Variants in SPHKAP observed in about 807,000 individuals in gnomAD.
The protein encoded by SPHKAP is SPHK1 interactor, AKAP domain containing.
SPHKAP carries 67 observed loss-of-function variants against 137.5 expected under a neutral mutation model. The ratio of observed to expected loss-of-function variants is 0.49; its 90% CI spans 0.40 to 0.60. The LOEUF (loss-of-function observed/expected upper bound fraction) is 0.60. Among genes scored for constraint, SPHKAP ranks in the 20% least tolerant of loss-of-function variants. The pLI, the probability that SPHKAP is intolerant of heterozygous loss-of-function variation, is 0.00. For synonymous variants in SPHKAP, 813 were observed against 785.3 expected, an observed-to-expected ratio of 1.04 and a Z score of -0.59; for missense variants, 2,097 against 2,069.3, an observed-to-expected ratio of 1.01 and a Z score of -0.26.
chr2:227,987,715 G>A (rs182374888), intron 11 of SPHKAP, among the ~76,000 whole-genome samples: 1 of 152,136 alleles, frequency 6.6e-6, no homozygotes, highest in Non-Finnish European at 1.5e-5. Context: ...CAACTCCAAG[G>A]CCAAGTTCCT....
chr2:227,984,499 T>C (rs556010912), intron 11 of SPHKAP, among the ~76,000 whole-genome samples: 1 of 152,212 alleles, frequency 6.6e-6, no homozygotes, highest in East Asian at 1.9e-4. Flanking sequence ...CAGCTATTAG[T>C]GATTTATGGA....
chr2:227,991,189 G>C lies in SPHKAP; in HGVS notation c.4775-5C>G, dbSNP rs1305212414. On this transcript the variant is annotated splice_region_variant and splice_polypyrimidine_tract_variant and intron_variant, in intron 10 of 11. Transcript: ENST00000392056. ...TAGGCGGTCCAGATGCAGGTGCTGA[G>C]AACAGACACAACCACAGCCTTATCC... The C allele has an allele frequency of 1.2e-6, 2 of 1,614,102 alleles. No homozygotes were observed. Among genetic ancestry groups the C allele is most frequent in the East Asian group, 4.5e-5 (2 of 44,866 alleles).
At chr2:227,985,279 G>A (rs1413789255) in intron 11 of SPHKAP, among the ~76,000 whole-genome samples, 9 of 152,090 alleles carry the variant, frequency 5.9e-5, no homozygotes, top group African/African-American at 1.7e-4. Flanking sequence ...CTCTGAGGCC[G>A]TGACGACTTA....
chr2:228,159,399 G>A (rs140144821), intron 1 of SPHKAP, among the ~76,000 whole-genome samples: 12 of 152,128 alleles, frequency 7.9e-5, no homozygotes, highest in Admixed American at 2.6e-4. Flanking sequence ...AAACTTTCTC[G>A]TATCTTCATG....
At chr2:228,135,520 A>C (rs1699411984) in intron 1 of SPHKAP, among the ~76,000 whole-genome samples, 1 of 152,212 alleles carries the variant, frequency 6.6e-6, no homozygotes, top group Non-Finnish European at 1.5e-5. Flanking sequence ...TGCTGAGCTC[A>C]TCTAATAGAA....
intron 9 of SPHKAP, chr2:227,991,528 C>CCAA (rs1326131738): frequency 7.1e-6 from 7 of 985,232 alleles, no homozygotes; most frequent in East Asian, 1.1e-4. Context: ...ATGTCCTCCT[C>CCAA]CAACAACAAC....
At chr2:228,033,788 A>G (rs917682283) in intron 3 of SPHKAP, among the ~76,000 whole-genome samples, 1 of 152,256 alleles carries the variant, frequency 6.6e-6, no homozygotes, top group Non-Finnish European at 1.5e-5. Flanking sequence ...TACTGGATAC[A>G]TAACGAAATG....
chr2:227,985,088 C>CT (rs1693166060), intron 11 of SPHKAP, among the ~76,000 whole-genome samples: 1 of 152,176 alleles, frequency 6.6e-6, no homozygotes, highest in African/African-American at 2.4e-5. Context: ...TTCTTTCCAT[C>CT]TATTTGGGGC....
Position 228,019,966 on chromosome 2 carries a change from C to T in SPHKAP, c.888G>A (p.Leu296=). The part of the protein sequence containing the change: ...SPENLTKNTA[L]QSLDPSAKPS... ...GCTTGGCTGAGGGATCTAGACTCTG[C>T]AAGGCTGTGTTCTTTGTTAGGTTTT... Residue 296 remains leucine, a synonymous_variant, in exon 7 of 12, where the codon TTG becomes TTA. Transcript: ENST00000392056. The T allele has an allele frequency of 6.2e-7, 1 of 1,614,206 alleles. No individual in the cohort carries two copies. The highest frequency in any genetic ancestry group is 8.5e-7 in the Non-Finnish European group (1 of 1,180,028).
chr2:228,163,434 A>T (rs569865067), intron 1 of SPHKAP, among the ~76,000 whole-genome samples: 1 of 152,278 alleles, frequency 6.6e-6, no homozygotes, highest in Non-Finnish European at 1.5e-5. Context: ...TTTTATGTTC[A>T]CTATGCAAGA....
At chr2:228,030,697 T>C (rs990630050) in intron 3 of SPHKAP, among the ~76,000 whole-genome samples, 10 of 151,468 alleles carry the variant, frequency 6.6e-5, no homozygotes, top group African/African-American at 2.4e-4. Flanking sequence ...ATATGATATC[T>C]AATTGACTGC....
rs139499722 is a variant in SPHKAP at position 228,113,603 on chromosome 2, ATCTCTCTCTCTCTC to A, written c.139-4678_139-4665del. 2.7e-3 allele frequency among the ~76,000 whole-genome samples: 268 copies of A among 97,966 alleles called. 1 individual carries two copies. Among genetic ancestry groups the A allele is most frequent in the African/African-American group, 4.3e-3 (122 of 28,328 alleles). The allele number at this position is 97,966 out of a possible 152,430, so 64.3% of individuals were successfully genotyped here. A position where few individuals can be genotyped will look rare whatever the true frequency, so the allele number is the denominator to read the frequency against. On this transcript the variant is annotated intron_variant, in intron 2 of 11. Transcript: ENST00000392056. ...CAAATCCCAGTCTATGCATTTAGCC[ATCTCTCTCTCTCTC>A]TCTCTCTCTCTCTCTCTCTCTCTCT...
chr2:228,180,375 C>T (rs916579165), intron 1 of SPHKAP, among the ~76,000 whole-genome samples: 3 of 152,150 alleles, frequency 2.0e-5, no homozygotes, highest in Non-Finnish European at 2.9e-5. Flanking sequence ...TCTCCTCCTC[C>T]GCCACCCCCA....
chr2:228,119,117 T>A (rs991969439), intron 2 of SPHKAP, among the ~76,000 whole-genome samples: 3 of 152,066 alleles, frequency 2.0e-5, no homozygotes, highest in Non-Finnish European at 4.4e-5. Context: ...CACACTCCCA[T>A]CGGAGGGCAG....
At chr2:228,133,470 T>A (rs1337672213) in intron 1 of SPHKAP, among the ~76,000 whole-genome samples, 2 of 152,220 alleles carry the variant, frequency 1.3e-5, no homozygotes, top group African/African-American at 4.8e-5. Context: ...AAATGTTATA[T>A]GCATTTCTAA....
intron 1 of SPHKAP, among the ~76,000 whole-genome samples, chr2:228,178,268 A>G (rs1396696264): frequency 9.9e-5 from 15 of 152,202 alleles, no homozygotes; most frequent in Non-Finnish European, 4.4e-5. Context: ...TAGAATTTAT[A>G]TGGATTTTTA....
At chr2:228,076,572 T>G (rs1276006562) in intron 3 of SPHKAP, among the ~76,000 whole-genome samples, 1 of 152,214 alleles carries the variant, frequency 6.6e-6, no homozygotes, top group Non-Finnish European at 1.5e-5. Context: ...GGGGACATTT[T>G]GCCCTGCCCT....
At chr2:228,028,987 T>C (rs1695176614) in intron 3 of SPHKAP, among the ~76,000 whole-genome samples, 2 of 152,196 alleles carry the variant, frequency 1.3e-5, no homozygotes, top group South Asian at 4.1e-4. Flanking sequence ...GTGGGGACCA[T>C]CACTAGTGGG....
rs1421174535 is a variant in SPHKAP at position 228,020,197 on chromosome 2, AGCAG to A, written c.698-45_698-42del. Reference sequence around the variant, plus strand: ...TGAGGGGCACTATTACTTTTTGGATAGCAGGTTACCATAAGTCTTAAGTAATAAT... The same window carrying A: ...TGAGGGGCACTATTACTTTTTGGATAGTTACCATAAGTCTTAAGTAATAAT... On this transcript the variant is annotated intron_variant, in intron 6 of 11. Coordinates refer to ENST00000392056, the MANE Select transcript of SPHKAP (RefSeq NM_001142644.2). The A allele has an allele frequency of 5.2e-6, 8 of 1,535,424 alleles. No homozygotes were observed. In the African/African-American group the frequency reaches 9.7e-5, roughly 19 times the overall value.
Sources: allele counts gnomAD v4.1 joint callset (sites outside exome capture counted in the v4.1 genomes callset), GRCh38; gene constraint gnomAD v4.1.1; transcripts MANE v1.5; gene names NCBI Gene and HGNC (gene_info 2026-07-23, HGNC 2026-07-21).